ATXN1: variants seen among roughly 807,000 people sequenced by gnomAD.
ATXN1 encodes ataxin-1.
ATXN1 carries 8 observed loss-of-function variants against 56.4 expected under a neutral mutation model. The observed-to-expected ratio is 0.14, with a 90% CI of 0.08 to 0.26. ATXN1 has a LOEUF of 0.26. ATXN1 is among the 10% of genes least tolerant of loss of function. ATXN1 has a pLI of 1.00. For synonymous variants in ATXN1, 514 were observed against 494.6 expected (o/e 1.04, Z -0.52); for missense variants, 987 against 1,106.5 (o/e 0.89, Z 1.53).
At chr6:16,699,670 A>C (rs182054369) in intron 2 of ATXN1, among the ~76,000 whole-genome samples, 33 of 152,346 alleles carry the variant, frequency 2.2e-4, no homozygotes, top group Admixed American at 1.6e-3. Flanking sequence ...GCAGACACTG[A>C]AAGGTGATAA....
intron 4 of ATXN1, among the ~76,000 whole-genome samples, chr6:16,581,042 T>C (rs560728311): frequency 2.0e-5 from 3 of 152,194 alleles, no homozygotes; most frequent in East Asian, 3.9e-4. Context: ...CCTTATGATA[T>C]AGATGTAGTC....
At chr6:16,614,992 A>C (rs918366300) in intron 3 of ATXN1, 1 of 151,306 alleles carries the variant, frequency 6.6e-6, no homozygotes, top group Middle Eastern at 3.4e-3. Flanking sequence ...AAACATTAAA[A>C]TGCTTTAATA....
intron 6 of ATXN1, among the ~76,000 whole-genome samples, chr6:16,425,272 C>A (rs1169811356): frequency 1.3e-5 from 2 of 152,244 alleles, no homozygotes; most frequent in Non-Finnish European, 1.5e-5. Context: ...TCCCACTGTG[C>A]CACGTTGTTT....
intron 6 of ATXN1, among the ~76,000 whole-genome samples, chr6:16,339,518 C>G (rs919715010): frequency 1.3e-5 from 2 of 152,192 alleles, no homozygotes; most frequent in Admixed American, 6.5e-5. Flanking sequence ...CCCAAGACCT[C>G]CCGGGACCCA....
chr6:16,402,516 A>C (rs1758599020), intron 6 of ATXN1, among the ~76,000 whole-genome samples: 1 of 152,124 alleles, frequency 6.6e-6, no homozygotes, highest in East Asian at 1.9e-4. Flanking sequence ...CAAGCCAAGA[A>C]CAACAGAAGA....
chr6:16,704,317 C>T (rs575372915), intron 2 of ATXN1, among the ~76,000 whole-genome samples: 19 of 149,592 alleles, frequency 1.3e-4, no homozygotes, highest in Admixed American at 6.6e-4. Context: ...ACTATCATTG[C>T]CTCTGAACCC....
At chr6:16,450,374 C>T (rs761165931) in intron 6 of ATXN1, among the ~76,000 whole-genome samples, 2 of 152,220 alleles carry the variant, frequency 1.3e-5, no homozygotes, top group Non-Finnish European at 2.9e-5. Context: ...TGTGTTTACA[C>T]ACATGCATGG....
chr6:16,653,750 A>G (rs1758130880), intron 3 of ATXN1, among the ~76,000 whole-genome samples: 1 of 152,200 alleles, frequency 6.6e-6, no homozygotes, highest in South Asian at 2.1e-4. Flanking sequence ...GTGGGTTTCT[A>G]AAGGTTCAGA....
chr6:16,709,719 GTATTAC>G (rs1398819655), intron 2 of ATXN1, among the ~76,000 whole-genome samples: 28 of 152,130 alleles, frequency 1.8e-4, no homozygotes, highest in African/African-American at 6.3e-4. Flanking sequence ...TATATAATCA[GTATTAC>G]TAACACTAAC....
intron 7 of ATXN1, among the ~76,000 whole-genome samples, chr6:16,323,147 T>A (rs1387347799): frequency 6.6e-6 from 1 of 152,112 alleles, no homozygotes; most frequent in African/African-American, 2.4e-5. Flanking sequence ...GAAGCCAATT[T>A]CTCTTTCATT....
chr6:16,315,014 A>G (rs1306214506), intron 7 of ATXN1, among the ~76,000 whole-genome samples: 1 of 152,212 alleles, frequency 6.6e-6, no homozygotes, highest in African/African-American at 2.4e-5. Flanking sequence ...TAGGAACCTT[A>G]GAAGAGTATC....
intron 2 of ATXN1, among the ~76,000 whole-genome samples, chr6:16,682,214 T>TTTTTTTTTTTTTC (rs1561806492): frequency 6.7e-6 from 1 of 148,930 alleles, no homozygotes; most frequent in East Asian, 2.0e-4. Context: ...TTTTTTTTTT[T>TTTTTTTTTTTTTC]GAGATGGAGT....
intron 3 of ATXN1, among the ~76,000 whole-genome samples, chr6:16,617,821 T>C (rs1162084911): frequency 6.6e-6 from 1 of 151,616 alleles, no homozygotes; most frequent in African/African-American, 2.4e-5. Flanking sequence ...TAGTTTTTAT[T>C]AGTACTTAAT....
At chr6:16,732,580 C>CA (rs777300012) in intron 2 of ATXN1, among the ~76,000 whole-genome samples, 193 of 150,860 alleles carry the variant, frequency 1.3e-3, no homozygotes, top group Non-Finnish European at 7.5e-4. Context: ...CACACACACA[C>CA]AAAAAAAAAT....
At chr6:16,657,030 C>CT (rs1222423207) in intron 3 of ATXN1, among the ~76,000 whole-genome samples, 4 of 142,048 alleles carry the variant, frequency 2.8e-5, no homozygotes, top group African/African-American at 8.1e-5. Context: ...GTCGCCCAGG[C>CT]TGGAGTGCAG....
chr6:16,441,652 A>G (rs1368363688), intron 6 of ATXN1, among the ~76,000 whole-genome samples: 2 of 152,234 alleles, frequency 1.3e-5, no homozygotes, highest in Non-Finnish European at 2.9e-5. Context: ...ATTGGAGAAA[A>G]GAAATAGTTG....
chr6:16,367,166 T>C (rs2113484404), intron 6 of ATXN1, among the ~76,000 whole-genome samples: 1 of 152,236 alleles, frequency 6.6e-6, no homozygotes, highest in Non-Finnish European at 1.5e-5. Flanking sequence ...ACAAGTCTCA[T>C]GGAAAGCACA....
chr6:16,740,417 A>G (rs1368252900), intron 2 of ATXN1, among the ~76,000 whole-genome samples: 1 of 152,210 alleles, frequency 6.6e-6, no homozygotes, highest in East Asian at 1.9e-4. Flanking sequence ...ATCTAGTAGA[A>G]AGACAGCAGA....
At chr6:16,494,080 AG>A (rs1760724559) in intron 5 of ATXN1, among the ~76,000 whole-genome samples, 5 of 11,288 alleles carry the variant, frequency 4.4e-4, no homozygotes, top group Admixed American at 4.2e-3. Flanking sequence ...TTTCCCATGG[AG>A]AGGCATCTCC....
Sources: allele counts gnomAD v4.1 joint callset (sites outside exome capture counted in the v4.1 genomes callset), GRCh38; gene constraint gnomAD v4.1.1; transcripts MANE v1.5; gene names NCBI Gene and HGNC (gene_info 2026-07-23, HGNC 2026-07-21).